The following P2RY12 variants were observed in gnomAD, a reference collection of about 807,000 sequenced individuals.
P2RY12 encodes P2Y purinoceptor 12.
Under a neutral mutation model 4.5 loss-of-function variants are expected in P2RY12, and 3 were observed. The observed-to-expected ratio is 0.67, with a 90% confidence interval of 0.31 to 1.74. The LOEUF (loss-of-function observed/expected upper bound fraction) is 1.74, where lower values mean the gene tolerates loss of function less well. Among genes scored for constraint, P2RY12 ranks in the 40% most tolerant of loss-of-function variants. P2RY12 has a pLI of 0.09. For missense variants in P2RY12, 356 were observed against 407.8 expected (o/e 0.87, Z 1.09); for synonymous variants, 148 against 154.1 (o/e 0.96, Z 0.29).
chr3:151,378,832 A>C (rs1413198108), intron 1 of P2RY12, among the ~76,000 whole-genome samples: 1 of 152,236 alleles, frequency 6.6e-6, no homozygotes, highest in East Asian at 1.9e-4. Flanking sequence ...TTGTCCACTA[A>C]TGAATAATAC....
chr3:151,370,853 T>C (rs1756091619), intron 1 of P2RY12, among the ~76,000 whole-genome samples: 1 of 152,212 alleles, frequency 6.6e-6, no homozygotes, highest in African/African-American at 2.4e-5. Context: ...GAGTACCTTC[T>C]AGACACTGGC....
At chr3:151,365,468 T>C (rs955018211) in intron 1 of P2RY12, among the ~76,000 whole-genome samples, 43 of 152,144 alleles carry the variant, frequency 2.8e-4, no homozygotes, top group African/African-American at 1.0e-3. Flanking sequence ...CAAAAACATA[T>C]AATAAAAATA....
At chr3:151,354,105 C>T (rs1753617157) in intron 1 of P2RY12, among the ~76,000 whole-genome samples, 1 of 130,412 alleles carries the variant, frequency 7.7e-6, no homozygotes, top group Non-Finnish European at 1.6e-5. Flanking sequence ...CCCGCCACTG[C>T]ACTCCAGCCT....
chr3:151,375,301 C>T (rs540336904), intron 1 of P2RY12, among the ~76,000 whole-genome samples: 3 of 152,114 alleles, frequency 2.0e-5, no homozygotes, highest in East Asian at 1.9e-4. Flanking sequence ...AGACTTCACC[C>T]GAAATAGATC....
chr3:151,350,181 TAAG>T, intron 1 of P2RY12: 1 of 1,613,884 alleles, frequency 6.2e-7, no homozygotes, highest in South Asian at 1.1e-5. Context: ...AAATTCTAAA[TAAG>T]AAGAGCACCA....
At chr3:151,377,126 G>A in intron 1 of P2RY12, 1 of 1,613,948 alleles carries the variant, frequency 6.2e-7, no homozygotes, top group Non-Finnish European at 8.5e-7. Flanking sequence ...AAACAGTATT[G>A]GAAGTGCTGA....
Position 151,359,073 on chromosome 3 carries a change from C to G in P2RY12, c.-179-18313G>C, listed in dbSNP as rs141186203. On this transcript the variant is annotated intron_variant, in intron 1 of 2. Coordinates refer to ENST00000302632, the MANE Select transcript of P2RY12 (RefSeq NM_022788.5). ...CAGTAGGTAGTTTTGCAGACCTTTCCTCTGCTCTCTGTCTCCCCACTTCAG... is the reference window on the plus strand; with the variant it reads ...CAGTAGGTAGTTTTGCAGACCTTTCGTCTGCTCTCTGTCTCCCCACTTCAG... 2.1e-3 allele frequency among the ~76,000 whole-genome samples: 318 copies of G among 152,182 alleles called. 8 individuals are homozygous for G. The East Asian group carries it at 0.041, about 20-fold the overall frequency.
At chr3:151,379,059 G>T (rs1285747004) in intron 1 of P2RY12, among the ~76,000 whole-genome samples, 1 of 152,232 alleles carries the variant, frequency 6.6e-6, no homozygotes, top group Non-Finnish European at 1.5e-5. Context: ...AGGAGGTCTG[G>T]CTTCTGAGCT....
At chr3:151,380,718 A>G (rs956726073) in intron 1 of P2RY12, among the ~76,000 whole-genome samples, 7 of 152,176 alleles carry the variant, frequency 4.6e-5, no homozygotes, top group African/African-American at 1.7e-4. Flanking sequence ...ACAACTTTAT[A>G]TTAATGAGAT....
chr3:151,369,407 A>G, intron 1 of P2RY12: 1 of 1,425,904 alleles, frequency 7.0e-7, no homozygotes, highest in Non-Finnish European at 9.8e-7. Flanking sequence ...GATGGTAATG[A>G]GACTATTAAA....
chr3:151,364,708 A>G (rs967156380), intron 1 of P2RY12, among the ~76,000 whole-genome samples: 7 of 152,226 alleles, frequency 4.6e-5, no homozygotes, highest in African/African-American at 1.7e-4. Context: ...AATGTAGACC[A>G]TATTTAGGAA....
chr3:151,341,624 T>C (rs895418505), intron 1 of P2RY12, among the ~76,000 whole-genome samples: 3 of 151,996 alleles, frequency 2.0e-5, no homozygotes, highest in Middle Eastern at 3.4e-3. Context: ...ATGTGCACAA[T>C]GTGCAGGTTA....
intron 1 of P2RY12, chr3:151,355,255 T>C (rs1289117662): frequency 1.3e-6 from 2 of 1,542,544 alleles, no homozygotes; most frequent in South Asian, 2.3e-5. Flanking sequence ...TATTTAAAGC[T>C]GTTTATTATG....
chr3:151,369,273 A>G (rs1452176120), intron 1 of P2RY12, among the ~76,000 whole-genome samples: 1 of 152,244 alleles, frequency 6.6e-6, no homozygotes, highest in African/African-American at 2.4e-5. Flanking sequence ...TAAGTGAGGA[A>G]TACTGGCCAT....
At chr3:151,369,734 T>C (rs1016596689) in intron 1 of P2RY12, among the ~76,000 whole-genome samples, 6 of 152,216 alleles carry the variant, frequency 3.9e-5, no homozygotes, top group African/African-American at 1.4e-4. Context: ...TCCTGTCCCT[T>C]ATCTAGTGTC....
At chr3:151,355,096 A>G in intron 1 of P2RY12, 2 of 1,553,398 alleles carry the variant, frequency 1.3e-6, no homozygotes, top group East Asian at 2.2e-5. Flanking sequence ...ATGGAAAATA[A>G]TGGATCTGCT....
intron 1 of P2RY12, among the ~76,000 whole-genome samples, chr3:151,373,453 G>T (rs757665371): frequency 6.6e-6 from 1 of 152,004 alleles, no homozygotes; most frequent in Non-Finnish European, 1.5e-5. Context: ...GAGATACTTC[G>T]AGACAGTGCA....
chr3:151,339,203 A>G (rs1277510020), intron 2 of P2RY12, among the ~76,000 whole-genome samples: 1 of 151,838 alleles, frequency 6.6e-6, no homozygotes, highest in African/African-American at 2.4e-5. Flanking sequence ...GCTGTGCTTT[A>G]CTCTTCTCTA....
chr3:151,378,068 C>A (rs772844769), intron 1 of P2RY12: 1 of 1,610,452 alleles, frequency 6.2e-7, no homozygotes, highest in South Asian at 1.1e-5. Flanking sequence ...AGGTTGCCAA[C>A]TTCTGTGCAA....
Sources: allele counts gnomAD v4.1 joint callset (sites outside exome capture counted in the v4.1 genomes callset), GRCh38; gene constraint gnomAD v4.1.1; transcripts MANE v1.5; gene names NCBI Gene and HGNC (gene_info 2026-07-23, HGNC 2026-07-21).